URGCP: variants seen among roughly 807,000 people sequenced by gnomAD.
URGCP encodes the protein upregulator of cell proliferation.
Under a neutral mutation model 24.6 loss-of-function variants are expected in URGCP, and 13 were observed. The ratio of observed to expected loss-of-function variants is 0.53; its 90% confidence interval spans 0.34 to 0.84. The LOEUF (loss-of-function observed/expected upper bound fraction) is 0.84. Ranked by LOEUF, URGCP falls within the 40% of genes least tolerant of loss-of-function variation. The probability of loss-of-function intolerance (pLI) is 0.01; values close to 1 mark genes in which losing one functional copy is unlikely to be tolerated. For synonymous variants in URGCP, 444 were observed against 487.2 expected (o/e 0.91, Z 1.17); for missense variants, 899 against 1,194.3 (o/e 0.75, Z 3.64).
chr7:43,881,198 A>G (rs1402891402), intron 5 of URGCP: 1 of 702,840 alleles, frequency 1.4e-6, no homozygotes, highest in South Asian at 1.5e-5. Flanking sequence ...GGCAATGGGA[A>G]AAAGACAAAG....
At chr7:43,917,577 G>C (rs1210661030) in intron 1 of URGCP, among the ~76,000 whole-genome samples, 1 of 152,192 alleles carries the variant, frequency 6.6e-6, no homozygotes, top group Non-Finnish European at 1.5e-5. Context: ...TTTCTGGCTT[G>C]ATATCTTTGT....
intron 1 of URGCP, chr7:43,918,990 A>C (rs1308628115): frequency 2.5e-5 from 32 of 1,267,576 alleles, no homozygotes; most frequent in Middle Eastern, 1.8e-4. Flanking sequence ...GCATGGGGGA[A>C]GAGCTGGCAA....
chr7:43,878,684 G>A lies in URGCP; in HGVS notation c.779C>T (p.Ala260Val), dbSNP rs376910575. The change falls in exon 6 of 6, where the codon GCG (alanine) becomes GTG (valine). Residue 260 changes from alanine (A) to valine (V), a missense_variant. Physicochemically the swap from Ala to Val is moderately conservative, Grantham distance 64. Transcript: ENST00000453200. This position sits in a 1 kb window ranked among gnomAD's most constrained non-coding sequence, Gnocchi z 5.6. ...FREDSVVLSR[A>V]PAFAFVRMDV... The stretch of plus-strand genomic sequence containing the variant: ...CATGCGCACGAAGGCGAAGGCGGGC[G>A]CCCTGGACAAGACCACGCTGTCTTC... The A allele has an allele frequency of 4.5e-5, 73 of 1,613,654 alleles. No individual in the cohort carries two copies. Among genetic ancestry groups the A allele is most frequent in the Non-Finnish European group, 5.2e-5 (61 of 1,180,036 alleles).
At chr7:43,883,354 ATATATATATT>A (rs2095857335) in intron 3 of URGCP, among the ~76,000 whole-genome samples, 2 of 97,648 alleles carry the variant, frequency 2.0e-5, no homozygotes, top group Admixed American at 2.2e-4. Context: ...ATATATATAT[ATATATATATT>A]TTTTTTTTTT....
intron 1 of URGCP, chr7:43,919,486 C>T (rs2132730674): frequency 8.8e-7 from 1 of 1,130,028 alleles, no homozygotes; most frequent in South Asian, 1.2e-5. Flanking sequence ...CTCATTCCCA[C>T]CCCATGGCTC....
rs201654703 is a variant in URGCP, at chr7:43,878,186, C to T, written c.1277G>A (p.Ser426Asn). ...GATGGCCCGGATCCTCTTCACGAAG[C>T]TGTCGCTGTCAGTGCTGCTGACCTT... is the stretch of plus-strand genomic sequence containing the variant. ...LVKVSSTDSD[S>N]FVKRIRAIVG... The change falls in exon 6 of 6, where the codon AGC becomes AAC. Residue 426 changes from serine (S) to asparagine (N), a missense_variant. Coordinates refer to ENST00000453200, the MANE Select transcript of URGCP (RefSeq NM_001077663.3). This position sits in a 1 kb window ranked among gnomAD's most constrained non-coding sequence, Gnocchi z 5.6. 116 of 1,614,140 alleles carry T rather than the reference C, an allele frequency of 7.2e-5. No individual in the cohort carries two copies. The highest frequency in any genetic ancestry group is 9.4e-5 in the Non-Finnish European group (111 of 1,180,062).
At position 43,877,881 on chromosome 7, in the gene URGCP, G is replaced by A. The variant is rs2095847664; in HGVS notation, c.1582C>T (p.Leu528=). The part of the protein sequence containing the change: ...VDPPEKHRAE[L]RRRLLELRMQ... ...CGAAGTTCTAGCAGCCGCCGCCTCAGCTCAGCCCTGTGCTTCTCAGGGGGG... is the reference window on the plus strand; with the variant it reads ...CGAAGTTCTAGCAGCCGCCGCCTCAACTCAGCCCTGTGCTTCTCAGGGGGG... Residue 528 remains leucine (L), a synonymous_variant, in exon 6 of 6, where the codon CTG becomes TTG. Transcript: ENST00000453200. 6.2e-7 allele frequency: 1 copy of A among 1,613,456 alleles called. No individual in the cohort carries two copies. Among genetic ancestry groups the A allele is most frequent in the Admixed American group, 1.7e-5 (1 of 59,984 alleles).
At chr7:43,883,321 A>AATATATATATATATACATATATATAT (rs1233416244) in intron 3 of URGCP, among the ~76,000 whole-genome samples, 11 of 134,558 alleles carry the variant, frequency 8.2e-5, no homozygotes, top group African/African-American at 1.4e-4. Context: ...TATATATATA[A>AATATATATATATATACATATATATAT]ATATATATAT....
At chr7:43,909,209 AAC>A (rs2095907386), upstream of URGCP, among the ~76,000 whole-genome samples, 1 of 152,186 alleles carries the variant, frequency 6.6e-6, no homozygotes, top group Non-Finnish European at 1.5e-5. Context: ...CACATACACA[AAC>A]ACACTAATAT....
Position 43,878,663 on chromosome 7 carries a change from C to T in URGCP, c.800G>A (p.Arg267His), listed in dbSNP as rs966539784. 4 of 1,613,322 alleles carry T rather than the reference C, an allele frequency of 2.5e-6. No individual in the cohort carries two copies. The highest frequency in any genetic ancestry group is 1.3e-5 in the African/African-American group (1 of 75,080). ...LSRAPAFAFV[R>H]MDVSSNSKSQ... ...CTTGGAGTTGCTACTGACGTCCATG[C>T]GCACGAAGGCGAAGGCGGGCGCCCT... The change falls in exon 6 of 6, where the codon CGC (arginine) becomes CAC (histidine). Residue 267 changes from arginine (R) to histidine (H), a missense_variant. Physicochemically the swap from Arg to His is conservative, Grantham distance 29. Transcript: ENST00000453200. This position sits in a 1 kb window ranked among gnomAD's most constrained non-coding sequence, Gnocchi z 5.6.
intron 1 of URGCP, among the ~76,000 whole-genome samples, chr7:43,889,850 C>T (rs1216837930): frequency 6.6e-6 from 1 of 152,290 alleles, no homozygotes; most frequent in East Asian, 1.9e-4. Context: ...TAATCATGAC[C>T]CTTTCCCCAT....
upstream of URGCP, chr7:43,926,426 A>C: frequency 9.7e-7 from 1 of 1,027,088 alleles, no homozygotes; most frequent in Non-Finnish European, 1.3e-6. Flanking sequence ...CGCGCGCGCA[A>C]GCGCAGGCTG....
chr7:43,926,668 A>C, upstream of URGCP: 1 of 1,199,320 alleles, frequency 8.3e-7, no homozygotes, highest in South Asian at 1.6e-5. Flanking sequence ...TCGCGGATAC[A>C]CCTGCCTGGG....
chr7:43,900,831 T>C (rs1585822440), intron 1 of URGCP, among the ~76,000 whole-genome samples: 4 of 152,328 alleles, frequency 2.6e-5, no homozygotes, highest in African/African-American at 9.6e-5. Context: ...GAAGGTATCG[T>C]CCACTCTGTC....
chr7:43,878,573 T>G lies in URGCP; in HGVS notation c.890A>C (p.Asp297Ala). The change falls in exon 6 of 6, where the codon GAC becomes GCC. Residue 297 changes from aspartate (D) to alanine (A), a missense_variant. Coordinates refer to ENST00000453200, the MANE Select transcript of URGCP (RefSeq NM_001077663.3). This position sits in a 1 kb window ranked among gnomAD's most constrained non-coding sequence, Gnocchi z 5.6. ...HRQWDCFWHRDLNLGTNAREI... is the reference protein window; with the variant it reads ...HRQWDCFWHRALNLGTNAREI... ...CCGGGCATTGGTGCCCAAGTTGAGG[T>G]CCCGATGCCAGAAGCAGTCCCACTG... 1 of 1,614,094 alleles carries G rather than the reference T, an allele frequency of 6.2e-7. No homozygotes were observed. Among genetic ancestry groups the G allele is most frequent in the Non-Finnish European group, 8.5e-7 (1 of 1,180,030 alleles).
exon 1 of URGCP, chr7:43,926,367 G>A: frequency 2.6e-6 from 1 of 389,688 alleles, no homozygotes; most frequent in Non-Finnish European, 3.9e-6. Context: ...GCTTCCCCTC[G>A]GCCGCGCCAG....
chr7:43,892,341 A>G (rs1205764591), intron 1 of URGCP, among the ~76,000 whole-genome samples: 1 of 148,948 alleles, frequency 6.7e-6, no homozygotes, highest in Non-Finnish European at 1.5e-5. Context: ...CTCCTGCCTC[A>G]GCCACCTGAC....
Position 43,881,661 on chromosome 7 carries a change from G to C in URGCP, c.200C>G (p.Thr67Arg). The C allele has an allele frequency of 6.2e-7, 1 of 1,614,064 alleles. No individual in the cohort carries two copies. The highest frequency in any genetic ancestry group is 2.2e-5 in the East Asian group (1 of 44,878). Reference protein sequence around the residue: ...TNEAQDNDFPTVERSRLQEML... With the variant: ...TNEAQDNDFPRVERSRLQEML... ...GAAAAGGCAGAGAAAATGCTTACCT[G>C]TTGGAAAATCATTGTCCTGAGCCTC... is the stretch of plus-strand genomic sequence containing the variant. The change falls in exon 5 of 6, where the codon ACA becomes AGA. Residue 67 changes from threonine to arginine, a missense_variant and splice_region_variant. Coordinates refer to ENST00000453200, the MANE Select transcript of URGCP (RefSeq NM_001077663.3).
intron 1 of URGCP, among the ~76,000 whole-genome samples, chr7:43,924,023 C>T (rs1412336684): frequency 6.6e-6 from 1 of 152,084 alleles, no homozygotes; most frequent in African/African-American, 2.4e-5. Flanking sequence ...GTGCATGCCA[C>T]CACACCTGGC....
Sources: allele counts gnomAD v4.1 joint callset (sites outside exome capture counted in the v4.1 genomes callset), GRCh38; gene constraint gnomAD v4.1.1; non-coding constraint Gnocchi (gnomAD v3.1); transcripts MANE v1.5; gene names NCBI Gene and HGNC (gene_info 2026-07-23, HGNC 2026-07-21).